Variants in FAM114A1 observed in about 807,000 individuals in gnomAD.
The protein encoded by FAM114A1 is protein NOXP20.
FAM114A1 carries 62 observed loss-of-function variants against 64.3 expected under a neutral mutation model. The observed-to-expected ratio is 0.96, with a 90% CI of 0.79 to 1.19. The LOEUF is 1.19. Ranked by LOEUF, FAM114A1 falls within the 50% of genes most tolerant of loss-of-function variation. FAM114A1 has a pLI of 0.00. For missense variants in FAM114A1, 645 were observed against 676.3 expected (o/e 0.95, Z 0.51); for synonymous variants, 254 against 251.1 (o/e 1.01, Z -0.11).
chr4:38,880,942 G>C (rs1341064504), intron 3 of FAM114A1, among the ~76,000 whole-genome samples: 1 of 152,038 alleles, frequency 6.6e-6, no homozygotes, highest in Non-Finnish European at 1.5e-5. Context: ...CCCAGCACTT[G>C]GGGAGGACGA....
chr4:38,886,514 G>A (rs185003554), intron 3 of FAM114A1, among the ~76,000 whole-genome samples: 218 of 152,144 alleles, frequency 1.4e-3, no homozygotes, highest in African/African-American at 5.1e-3. Flanking sequence ...AAGATGTGGA[G>A]CAGACACCAG....
chr4:38,912,345 A>T (rs1034917382), intron 7 of FAM114A1, among the ~76,000 whole-genome samples: 1 of 152,070 alleles, frequency 6.6e-6, no homozygotes, highest in Non-Finnish European at 1.5e-5. Context: ...CAAGCTGGTT[A>T]TCCCTCAGGC....
At chr4:38,929,120 C>T (rs757295943) in intron 9 of FAM114A1, 122 bp from the exon 10 acceptor site, 36 of 724,942 alleles carry the variant, frequency 5.0e-5, no homozygotes, top group Middle Eastern at 2.7e-4. Context: ...CAGCGGCTGG[C>T]GGGCAGGCTG....
At chr4:38,928,239 A>ATTTTC (rs1361525217) in intron 9 of FAM114A1, among the ~76,000 whole-genome samples, 4 of 152,140 alleles carry the variant, frequency 2.6e-5, no homozygotes, top group Admixed American at 2.0e-4. Context: ...AAGCCACAGT[A>ATTTTC]TTTTCTTCTT....
chr4:38,904,893 G>A (rs1717835784), intron 4 of FAM114A1, among the ~76,000 whole-genome samples: 1 of 152,216 alleles, frequency 6.6e-6, no homozygotes, highest in South Asian at 2.1e-4. Context: ...TAGCTAGGTG[G>A]TGTGAGAAGC....
At chr4:38,875,093 G>T (rs1714481669) in intron 2 of FAM114A1, among the ~76,000 whole-genome samples, 1 of 152,168 alleles carries the variant, frequency 6.6e-6, no homozygotes, top group African/African-American at 2.4e-5. Flanking sequence ...AGTATAGTTT[G>T]AAGTTGGGTA....
chr4:38,935,745 G>A lies in FAM114A1; in HGVS notation c.1491G>A (p.Val497=). Residue 497 remains valine (V), a synonymous_variant, in exon 13 of 15, where the codon GTG becomes GTA. Transcript: ENST00000358869. ...TAACTACTGCAATGTGCAATGAAGT[G>A]GCCTCTTTATCAAAGAAGTTTACGA... ...IKLTTAMCNE[V]ASLSKKFTNS... 1.2e-6 allele frequency: 2 copies of A among 1,610,852 alleles called. No individual in the cohort carries two copies. Among genetic ancestry groups the A allele is most frequent in the Non-Finnish European group, 1.7e-6 (2 of 1,178,048 alleles).
rs1313820690 is a variant in FAM114A1, at chr4:38,932,259, A to C, written c.1348A>C (p.Ser450Arg). 6.2e-7 allele frequency: 1 copy of C among 1,607,248 alleles called. No individual in the cohort carries two copies. The highest frequency in any genetic ancestry group is 2.2e-5 in the East Asian group (1 of 44,868). Residue 450 changes from serine to arginine, a missense_variant, in exon 12 of 15, where the codon AGT (serine) becomes CGT (arginine). Ser to Arg is a moderately radical substitution (Grantham distance 110, BLOSUM62 -1). Coordinates refer to ENST00000358869, the MANE Select transcript of FAM114A1 (RefSeq NM_138389.4). ...IEEVYMSSIE[S>R]LAEVTARCIE... ...GGAAGTATACATGTCGTCCATTGAA[A>C]GTCTGGCGGAGGTAACAGCGCGCTG...
intron 4 of FAM114A1, 68 bp downstream of exon 4, chr4:38,891,898 G>A (rs1053099726): frequency 1.4e-5 from 20 of 1,418,910 alleles, no homozygotes; most frequent in African/African-American, 7.1e-5. Flanking sequence ...CGTTTTGATC[G>A]TACTGTATAC....
intron 2 of FAM114A1, among the ~76,000 whole-genome samples, chr4:38,877,723 G>A (rs762219162): frequency 6.6e-6 from 1 of 152,166 alleles, no homozygotes; most frequent in Non-Finnish European, 1.5e-5. Flanking sequence ...CCAGCACTTC[G>A]GGAGGCCAAG....
intron 7 of FAM114A1, among the ~76,000 whole-genome samples, chr4:38,910,918 T>C (rs1213650734): frequency 6.6e-6 from 1 of 152,166 alleles, no homozygotes; most frequent in Non-Finnish European, 1.5e-5. Context: ...TGGGTTTGAC[T>C]GTTAGTGAAA....
chr4:38,932,319 C>A lies in FAM114A1; in HGVS notation c.1408C>A (p.Leu470Ile). 6.2e-7 allele frequency: 1 copy of A among 1,613,346 alleles called. No individual in the cohort carries two copies. Among genetic ancestry groups the A allele is most frequent in the Non-Finnish European group, 8.5e-7 (1 of 1,179,872 alleles). The change falls in exon 12 of 15, where the codon CTT becomes ATT. Residue 470 changes from leucine to isoleucine, a missense_variant. By Grantham distance (5) the Leu-to-Ile change is conservative. Coordinates refer to ENST00000358869, the MANE Select transcript of FAM114A1 (RefSeq NM_138389.4). ...EQLHKVAELILHGQEEEKPAQ... is the reference protein window; with the variant it reads ...EQLHKVAELIIHGQEEEKPAQ... ...GCTTCATAAAGTAGCAGAATTAATTCTTCATGGACAAGAAGAGGAAAAACC... is the reference window on the plus strand; with the variant it reads ...GCTTCATAAAGTAGCAGAATTAATTATTCATGGACAAGAAGAGGAAAAACC...
At chr4:38,886,172 CTTT>C (rs36090599) in intron 3 of FAM114A1, among the ~76,000 whole-genome samples, 5 of 137,378 alleles carry the variant, frequency 3.6e-5, no homozygotes, top group East Asian at 4.1e-4. Flanking sequence ...AGATAAGCAC[CTTT>C]TTTTTTTTTT....
chr4:38,890,500 G>A (rs1716248093), intron 3 of FAM114A1, among the ~76,000 whole-genome samples: 1 of 151,840 alleles, frequency 6.6e-6, no homozygotes, highest in Non-Finnish European at 1.5e-5. Flanking sequence ...AAACTCTGTA[G>A]GAATTTTCCA....
At chr4:38,877,362 A>C (rs6848179) in intron 2 of FAM114A1, among the ~76,000 whole-genome samples, 36,828 of 151,788 alleles carry the variant, frequency 0.24, 5,008 homozygotes, top group Non-Finnish European at 0.28. Flanking sequence ...CCACCTGGGG[A>C]TGATGGGAGA....
chr4:38,901,861 A>G (rs1717558017), intron 4 of FAM114A1, among the ~76,000 whole-genome samples: 1 of 152,202 alleles, frequency 6.6e-6, no homozygotes, highest in Admixed American at 6.5e-5. Context: ...ATCACTAGAC[A>G]CAGTTGACAG....
At chr4:38,938,475 G>T (rs1721293211) in intron 13 of FAM114A1, 1 of 152,170 alleles carries the variant, frequency 6.6e-6, no homozygotes, top group Non-Finnish European at 1.5e-5. Flanking sequence ...CAGGCCTTCA[G>T]CAATAGAGCT....
chr4:38,902,056 A>G (rs1717572357), intron 4 of FAM114A1, among the ~76,000 whole-genome samples: 1 of 152,242 alleles, frequency 6.6e-6, no homozygotes, highest in Non-Finnish European at 1.5e-5. Flanking sequence ...TCAACTATAA[A>G]TGACACATAA....
At chr4:38,874,555 T>C (rs1206181068) in intron 2 of FAM114A1, among the ~76,000 whole-genome samples, 1 of 152,226 alleles carries the variant, frequency 6.6e-6, no homozygotes, top group Non-Finnish European at 1.5e-5. Context: ...CCTTACAGAT[T>C]CTGGATATTA....
Sources: allele counts gnomAD v4.1 joint callset (sites outside exome capture counted in the v4.1 genomes callset), GRCh38; gene constraint gnomAD v4.1.1; transcripts MANE v1.5; gene names NCBI Gene and HGNC (gene_info 2026-07-23, HGNC 2026-07-21).